Variants in GRIK1 observed in about 807,000 individuals in gnomAD.
GRIK1 encodes glutamate receptor ionotropic, kainate 1.
Under a neutral mutation model 105.7 loss-of-function variants are expected in GRIK1, and 69 were observed. That is an observed-to-expected ratio of 0.65 (90% CI 0.54 to 0.80). The LOEUF (loss-of-function observed/expected upper bound fraction) is 0.80, where lower values mean the gene tolerates loss of function less well. GRIK1 is among the 30% of genes least tolerant of loss of function. The probability of loss-of-function intolerance (pLI) is 0.00; values close to 1 mark genes in which losing one functional copy is unlikely to be tolerated. For synonymous variants in GRIK1, 438 were observed against 431.3 expected (o/e 1.02, Z -0.19); for missense variants, 1,109 against 1,167.3 (o/e 0.95, Z 0.73).
chr21:29,818,309 T>C (rs184592335), intron 1 of GRIK1, among the ~76,000 whole-genome samples: 1 of 152,172 alleles, frequency 6.6e-6, no homozygotes, highest in Admixed American at 6.6e-5. Flanking sequence ...CTCAGACATA[T>C]CAAAAATCAC....
chr21:29,794,897 C>T (rs1229561006), intron 1 of GRIK1, among the ~76,000 whole-genome samples: 1 of 152,030 alleles, frequency 6.6e-6, no homozygotes, highest in Non-Finnish European at 1.5e-5. Flanking sequence ...TATAATTTAT[C>T]ATCCCAAATG....
intron 1 of GRIK1, among the ~76,000 whole-genome samples, chr21:29,937,797 A>ATTT (rs11410205): frequency 0.012 from 1,798 of 149,436 alleles, 15 homozygotes; most frequent in East Asian, 0.039. Context: ...TGTTCAGAAT[A>ATTT]TTTTTTTTTT....
At chr21:29,739,029 G>A (rs1346662083) in intron 1 of GRIK1, among the ~76,000 whole-genome samples, 1 of 152,174 alleles carries the variant, frequency 6.6e-6, no homozygotes, top group Non-Finnish European at 1.5e-5. Context: ...TGCCAGAATG[G>A]TTTTGAGGCA....
chr21:29,611,294 A>G (rs1215395823), intron 7 of GRIK1, among the ~76,000 whole-genome samples: 4 of 152,186 alleles, frequency 2.6e-5, no homozygotes, highest in African/African-American at 9.7e-5. Context: ...TCTAGTACAG[A>G]AGATGACCTC....
chr21:29,657,077 G>A (rs1338960364), intron 4 of GRIK1, among the ~76,000 whole-genome samples: 1 of 152,200 alleles, frequency 6.6e-6, no homozygotes, highest in Non-Finnish European at 1.5e-5. Context: ...AGCATAAAGA[G>A]CTGGCCTGCC....
intron 1 of GRIK1, among the ~76,000 whole-genome samples, chr21:29,903,553 A>G (rs2070491704): frequency 6.6e-6 from 1 of 152,242 alleles, no homozygotes; most frequent in Non-Finnish European, 1.5e-5. Flanking sequence ...ACTGGTCATT[A>G]GAGAAATGCA....
rs780428271 is a variant in GRIK1, at chr21:29,689,937, T to C, written c.335A>G (p.His112Arg). The C allele has an allele frequency of 6.2e-7, 1 of 1,608,234 alleles. No individual in the cohort carries two copies. The highest frequency in any genetic ancestry group is 8.5e-7 in the Non-Finnish European group (1 of 1,177,012). Residue 112 changes from histidine to arginine, a missense_variant, in exon 3 of 18, where the codon CAT (histidine) becomes CGT (arginine). Around this residue, in one of 5 missense-constraint regions of GRIK1, gnomAD observed 612 missense variants for 586.0 expected, o/e 1.04. Coordinates refer to ENST00000327783, the MANE Select transcript of GRIK1 (RefSeq NM_001330994.2). ...LGVAALFGPS[H>R]SSSVSAVQSI... ...CTGCACAGCACTGACGGAGGAGCTATGGGAAGGGCCAAAGAGAGCAGCCAC... is the reference window on the plus strand; with the variant it reads ...CTGCACAGCACTGACGGAGGAGCTACGGGAAGGGCCAAAGAGAGCAGCCAC...
intron 3 of GRIK1, among the ~76,000 whole-genome samples, chr21:29,684,260 ATCT>A (rs1319010443): frequency 2.8e-5 from 3 of 107,962 alleles, no homozygotes; most frequent in Non-Finnish European, 4.4e-5. Context: ...ATCTCTATCT[ATCT>A]ATCTATCTAT....
chr21:29,620,770 C>CATATATATATAGATATATATATCT (rs1390061145), intron 7 of GRIK1, among the ~76,000 whole-genome samples: 1,661 of 117,328 alleles, frequency 0.014, 23 homozygotes, highest in African/African-American at 0.037. Flanking sequence ...GTATGAAAGT[C>CATATATATATAGATATATATATCT]ATATATATAT....
intron 4 of GRIK1, among the ~76,000 whole-genome samples, chr21:29,670,820 G>T (rs553283207): frequency 6.6e-6 from 1 of 152,154 alleles, no homozygotes; most frequent in Non-Finnish European, 1.5e-5. Flanking sequence ...TTATGATAAA[G>T]GATTACTGAT....
chr21:29,917,332 C>T (rs1176535768), intron 1 of GRIK1, among the ~76,000 whole-genome samples: 3 of 152,034 alleles, frequency 2.0e-5, no homozygotes, highest in Admixed American at 6.6e-5. Flanking sequence ...TGTCTCACTT[C>T]TTGGTCAGGT....
intron 1 of GRIK1, among the ~76,000 whole-genome samples, chr21:29,916,363 G>A (rs962869730): frequency 6.6e-6 from 1 of 151,738 alleles, no homozygotes; most frequent in Non-Finnish European, 1.5e-5. Context: ...ACTCAAAGTG[G>A]GAGCCAGAGA....
rs560172567 is a variant in GRIK1, at chr21:29,816,550, CA to C, written c.119-122488del. On this transcript the variant is annotated intron_variant, in intron 1 of 17. Coordinates refer to ENST00000327783, the MANE Select transcript of GRIK1 (RefSeq NM_001330994.2). ...TATGGAATCAACCCTCAGTGTCCAA[CA>C]ACAGATTAATGGGTAAATAAAATGT... is the stretch of plus-strand genomic sequence containing the variant. Among the ~76,000 whole-genome samples, 88 of 152,144 alleles carry C rather than the reference CA, an allele frequency of 5.8e-4. 1 individual carries two copies. The East Asian group carries it at 0.016, about 28-fold the overall frequency.
chr21:29,657,065 C>T (rs1169850040), intron 4 of GRIK1, among the ~76,000 whole-genome samples: 3 of 152,072 alleles, frequency 2.0e-5, no homozygotes, highest in Non-Finnish European at 2.9e-5. Flanking sequence ...TTATATCATT[C>T]GAGCATAAAG....
chr21:29,722,799 C>T lies in GRIK1; in HGVS notation c.119-28736G>A, dbSNP rs576640881. On this transcript the variant is annotated intron_variant, in intron 1 of 17. Transcript: ENST00000327783. ...CTATTTGCCATTGTGTTCTTTCCTA[C>T]GCTACAACCACATAAGAAGGCAAAG... is the stretch of plus-strand genomic sequence containing the variant. 2.7e-3 allele frequency among the ~76,000 whole-genome samples: 407 copies of T among 152,124 alleles called. 3 individuals carry two copies. Among genetic ancestry groups the T allele is most frequent in the African/African-American group, 9.2e-3 (380 of 41,508 alleles).
At chr21:29,918,497 G>C (rs116972784) in intron 1 of GRIK1, among the ~76,000 whole-genome samples, 1,593 of 152,072 alleles carry the variant, frequency 0.01, 11 homozygotes, top group Non-Finnish European at 0.018. Context: ...TCAGGCTCTT[G>C]AATATTTCAA....
intron 1 of GRIK1, among the ~76,000 whole-genome samples, chr21:29,782,737 C>T (rs1601684401): frequency 6.6e-6 from 1 of 152,328 alleles, no homozygotes; most frequent in East Asian, 1.9e-4. Context: ...ACATGGATGT[C>T]TTTCTCAGTT....
At chr21:29,560,507 C>CTTTCTTTCTTTCTTTCTTTCTTTCTTT (rs1568815221) in intron 15 of GRIK1, among the ~76,000 whole-genome samples, 2 of 30,140 alleles carry the variant, frequency 6.6e-5, no homozygotes, top group South Asian at 1.0e-3. Context: ...TTCCTTCCTT[C>CTTTCTTTCTTTCTTTCTTTCTTTCTTT]CTTCCTTCCT....
At chr21:29,768,998 ACAAT>A (rs1267139414) in intron 1 of GRIK1, among the ~76,000 whole-genome samples, 8 of 152,330 alleles carry the variant, frequency 5.3e-5, no homozygotes, top group African/African-American at 1.7e-4. Flanking sequence ...CATAGAGGTA[ACAAT>A]CAATCAATTA....
Sources: gnomAD v4.1 joint callset for allele counts (sites outside exome capture counted in the v4.1 genomes callset) on GRCh38, gnomAD v4.1.1 for gene constraint, gnomAD v4.1.1 regional missense constraint, MANE v1.5 for transcripts, NCBI Gene and HGNC (gene_info 2026-07-23, HGNC 2026-07-21) for gene names.